Variants in WDFY2 observed in about 807,000 individuals in gnomAD.
WDFY2 encodes WD repeat and FYVE domain containing 2.
In WDFY2, 36 loss-of-function variants were observed where a neutral mutation model predicts 56.4. The observed-to-expected ratio is 0.64, with a 90% CI of 0.49 to 0.84. The LOEUF (loss-of-function observed/expected upper bound fraction) is 0.84, where lower values mean the gene tolerates loss of function less well. Ranked by LOEUF, WDFY2 falls within the 40% of genes least tolerant of loss-of-function variation. The probability of loss-of-function intolerance (pLI) is 0.00; values close to 1 mark genes in which losing one functional copy is unlikely to be tolerated. For missense variants in WDFY2, 444 were observed against 512.2 expected, an observed-to-expected ratio of 0.87 and a Z score of 1.29; for synonymous variants, 176 against 183.7, an observed-to-expected ratio of 0.96 and a Z score of 0.34.
intron 1 of WDFY2, among the ~76,000 whole-genome samples, chr13:51,596,009 G>T (rs1052076346): frequency 6.6e-6 from 1 of 152,080 alleles, no homozygotes; most frequent in Admixed American, 6.5e-5. Context: ...AGATTACATT[G>T]TTGCTTTTTA....
chr13:51,585,724 T>C (rs1264937769), intron 1 of WDFY2, among the ~76,000 whole-genome samples: 1 of 152,238 alleles, frequency 6.6e-6, no homozygotes, highest in Non-Finnish European at 1.5e-5. Context: ...AAAAGAACAC[T>C]GTAGAGGTAC....
At position 51,719,317 on chromosome 13, in the gene WDFY2, T is replaced by C; in HGVS notation, c.454T>C (p.Tyr152His). 3.1e-6 allele frequency: 5 copies of C among 1,611,780 alleles called. No individual in the cohort carries two copies. The highest frequency in any genetic ancestry group is 4.2e-6 in the Non-Finnish European group (5 of 1,178,784). The change falls in exon 5 of 12, where the codon TAT (tyrosine) becomes CAT (histidine). Residue 152 changes from tyrosine to histidine, a missense_variant. Tyr to His is a moderately conservative substitution (Grantham distance 83). Coordinates refer to ENST00000298125, the MANE Select transcript of WDFY2 (RefSeq NM_052950.4). ...TGAGAGTGGGCAGCGCCTGGGAGGT[T>C]ATCGGACCAGTGCTGTGGCCTCAGG... is the stretch of plus-strand genomic sequence containing the variant. ...CSESGQRLGG[Y>H]RTSAVASGLQ...
chr13:51,728,515 C>T (rs544207142), intron 6 of WDFY2, among the ~76,000 whole-genome samples: 12 of 152,138 alleles, frequency 7.9e-5, no homozygotes, highest in African/African-American at 1.4e-4. Flanking sequence ...AGGGCTTTTC[C>T]GTTTTCTACC....
chr13:51,605,941 T>C (rs1954377975), intron 1 of WDFY2, among the ~76,000 whole-genome samples: 1 of 152,196 alleles, frequency 6.6e-6, no homozygotes, highest in Non-Finnish European at 1.5e-5. Context: ...AGATTTTCCT[T>C]CTCTTTCATT....
At chr13:51,616,828 G>A (rs989864232) in intron 1 of WDFY2, among the ~76,000 whole-genome samples, 5 of 152,228 alleles carry the variant, frequency 3.3e-5, no homozygotes, top group Non-Finnish European at 5.9e-5. Flanking sequence ...GTTACCATAT[G>A]TAAAGCTTTT....
intron 6 of WDFY2, among the ~76,000 whole-genome samples, chr13:51,732,861 T>A (rs554688900): frequency 6.6e-5 from 10 of 152,320 alleles, no homozygotes; most frequent in African/African-American, 2.4e-4. Flanking sequence ...CCCTTATCCA[T>A]CTTCCAGCCA....
chr13:51,753,444 A>T (rs1953283136), intron 8 of WDFY2, among the ~76,000 whole-genome samples: 1 of 152,218 alleles, frequency 6.6e-6, no homozygotes, highest in African/African-American at 2.4e-5. Context: ...AAAAGTATAT[A>T]TTGTATATAA....
chr13:51,660,493 G>A lies in WDFY2; in HGVS notation c.138-103G>A, dbSNP rs1424058842. On this transcript the variant is annotated intron_variant, in intron 1 of 11. Transcript: ENST00000298125. ...GGGACAGGCTTGAGCCACCGCGCCT[G>A]GCCTCTCTATATATAATATTAAGAG... 9.1e-6 allele frequency: 10 copies of A among 1,104,486 alleles called. No individual in the cohort carries two copies. The East Asian group carries it at 1.9e-4, about 21-fold the overall frequency. The allele number at this position is 1,104,486 out of a possible 1,614,324, so 68.4% of individuals were successfully genotyped here. A position where few individuals can be genotyped will look rare whatever the true frequency, so the allele number is the denominator to read the frequency against.
chr13:51,740,182 C>G lies in WDFY2; in HGVS notation c.725+1007C>G, dbSNP rs138820801. Among the ~76,000 whole-genome samples the G allele has an allele frequency of 3.0e-3, 464 of 152,218 alleles. 2 individuals carry two copies. Among genetic ancestry groups the G allele is most frequent in the African/African-American group, 0.011 (442 of 41,532 alleles). ...ACTAATTAAATTTTGGATGGCAGGG[C>G]CTGTGTACAAATACTTGTTTTAGTT... On this transcript the variant is annotated intron_variant, in intron 7 of 11. Transcript: ENST00000298125.
In WDFY2 at chr13:51,694,306, T is replaced by A. The variant is rs1405487747; in HGVS notation, c.280-9290T>A. ...ATGGTCTTTACAATTTGGCATGATT[T>A]TTCAGTGGCTGGTACTGGTTGTTCC... On this transcript the variant is annotated intron_variant, in intron 3 of 11. Coordinates refer to ENST00000298125, the MANE Select transcript of WDFY2 (RefSeq NM_052950.4). Among the ~76,000 whole-genome samples the A allele has an allele frequency of 3.3e-5, 5 of 152,234 alleles. No individual in the cohort carries two copies. The East Asian group carries it at 9.6e-4, about 29-fold the overall frequency.
intron 7 of WDFY2, among the ~76,000 whole-genome samples, chr13:51,739,479 GAA>G: frequency 6.9e-6 from 1 of 145,882 alleles, no homozygotes; most frequent in East Asian, 2.0e-4. Context: ...TGAGAGTGAG[GAA>G]AAAAAAAAGC....
At chr13:51,724,893 GCCCACTTAGCCT>G (rs1952571852) in intron 5 of WDFY2, among the ~76,000 whole-genome samples, 1 of 152,140 alleles carries the variant, frequency 6.6e-6, no homozygotes, top group African/African-American at 2.4e-5. Flanking sequence ...TCTGAAATAA[GCCCACTTAGCCT>G]TCAGTAGCTT....
intron 1 of WDFY2, among the ~76,000 whole-genome samples, chr13:51,636,843 A>G (rs1179913513): frequency 6.6e-6 from 1 of 152,236 alleles, no homozygotes; most frequent in Non-Finnish European, 1.5e-5. Flanking sequence ...CCGTGGAGAA[A>G]GAACAGGCTT....
At chr13:51,671,371 A>G (rs1955803835) in intron 2 of WDFY2, among the ~76,000 whole-genome samples, 1 of 152,148 alleles carries the variant, frequency 6.6e-6, no homozygotes, top group South Asian at 2.1e-4. Flanking sequence ...ATCCATGCCA[A>G]CATCTATTAT....
chr13:51,679,276 T>C (rs911247752), intron 3 of WDFY2, among the ~76,000 whole-genome samples: 11 of 152,158 alleles, frequency 7.2e-5, no homozygotes, highest in African/African-American at 2.7e-4. Flanking sequence ...CCCTGAGTAA[T>C]TGCTATAGGA....
intron 1 of WDFY2, among the ~76,000 whole-genome samples, chr13:51,627,688 C>T (rs2138371781): frequency 6.6e-6 from 1 of 152,134 alleles, no homozygotes; most frequent in East Asian, 1.9e-4. Flanking sequence ...CCAGCTGGGT[C>T]CGTAGTTCTA....
Position 51,632,280 on chromosome 13 carries a change from G to C in WDFY2, c.138-28316G>C, listed in dbSNP as rs116880317. 8.1e-3 allele frequency among the ~76,000 whole-genome samples: 1,235 copies of C among 151,822 alleles called. 17 individuals are homozygous for C. The highest frequency in any genetic ancestry group is 0.01 in the Non-Finnish European group (684 of 67,928). ...CTCCTAGGATGAGCATGGTTCTTTT[G>C]TGATTAATTTTGCCAAGCTCTGAAT... is the stretch of plus-strand genomic sequence containing the variant. On this transcript the variant is annotated intron_variant, in intron 1 of 11. Transcript: ENST00000298125.
intron 1 of WDFY2, among the ~76,000 whole-genome samples, chr13:51,600,989 T>C (rs1277507376): frequency 6.6e-6 from 1 of 152,166 alleles, no homozygotes; most frequent in Non-Finnish European, 1.5e-5. Flanking sequence ...TTTCCTGTAG[T>C]GAATATAAGA....
At chr13:51,614,249 A>G (rs929303325) in intron 1 of WDFY2, among the ~76,000 whole-genome samples, 2 of 152,032 alleles carry the variant, frequency 1.3e-5, no homozygotes, top group Admixed American at 6.6e-5. Context: ...TCAAACCAGC[A>G]TAGCTGTTCT....
Sources: gnomAD v4.1 joint callset for allele counts (sites outside exome capture counted in the v4.1 genomes callset) on GRCh38, gnomAD v4.1.1 for gene constraint, MANE v1.5 for transcripts, NCBI Gene and HGNC (gene_info 2026-07-23, HGNC 2026-07-21) for gene names.